Variants in DNMBP observed in about 807,000 individuals in gnomAD.
DNMBP encodes the protein dynamin-binding protein.
Under a neutral mutation model 150.0 loss-of-function variants are expected in DNMBP, and 87 were observed. The ratio of observed to expected loss-of-function variants is 0.58; its 90% CI spans 0.49 to 0.69. The LOEUF is 0.69. Among genes scored for constraint, DNMBP ranks in the 30% least tolerant of loss-of-function variants. The pLI, the probability that DNMBP is intolerant of heterozygous loss-of-function variation, is 0.00. For synonymous variants in DNMBP, 711 were observed against 750.4 expected (o/e 0.95, Z 0.86); for missense variants, 1,774 against 1,949.0 (o/e 0.91, Z 1.69).
Position 99,914,066 on chromosome 10 carries a change from A to G in DNMBP, c.2261-4920T>C, listed in dbSNP as rs895817207. 10 of 1,444,228 alleles carry G rather than the reference A, an allele frequency of 6.9e-6. No homozygotes were observed. In the African/African-American group the frequency reaches 7.3e-5, roughly 11 times the overall value. 89.5% of individuals were successfully genotyped at this position (1,444,228 alleles called of 1,614,324 possible). The stretch of plus-strand genomic sequence containing the variant: ...CACAACCCCCCAAACTCCTTTGAAT[A>G]GGGTCGGCATTTCCCCCAGGCTTCC... On this transcript the variant is annotated intron_variant, in intron 4 of 16. Coordinates refer to ENST00000324109, the MANE Select transcript of DNMBP (RefSeq NM_015221.4).
chr10:99,929,522 G>A (rs2040121546), intron 4 of DNMBP: 1 of 600,956 alleles, frequency 1.7e-6, no homozygotes, highest in Non-Finnish European at 2.9e-6. Flanking sequence ...GGCTCCTTAA[G>A]AACACAAGTG....
At chr10:99,925,949 T>C (rs576613862) in intron 4 of DNMBP, among the ~76,000 whole-genome samples, 1 of 152,330 alleles carries the variant, frequency 6.6e-6, no homozygotes, top group South Asian at 2.1e-4. Flanking sequence ...CTATATAAGC[T>C]TCCTTCCAGT....
chr10:100,004,083 A>AT (rs2041043930), intron 1 of DNMBP, among the ~76,000 whole-genome samples: 1 of 150,494 alleles, frequency 6.6e-6, no homozygotes, highest in African/African-American at 2.4e-5. Flanking sequence ...ATTACAAAAA[A>AT]AAAAAAGAAA....
chr10:99,980,599 G>C (rs2040771769), intron 1 of DNMBP, among the ~76,000 whole-genome samples: 1 of 151,648 alleles, frequency 6.6e-6, no homozygotes, highest in African/African-American at 2.4e-5. Flanking sequence ...CTTGAGCCCA[G>C]AAGGGCAACA....
At chr10:99,937,339 G>A (rs746372200) in intron 4 of DNMBP, among the ~76,000 whole-genome samples, 2 of 152,136 alleles carry the variant, frequency 1.3e-5, no homozygotes, top group African/African-American at 4.8e-5. Flanking sequence ...TATGGGCTAC[G>A]ATCAGCACTA....
At chr10:99,989,999 T>C (rs1293568858) in intron 1 of DNMBP, among the ~76,000 whole-genome samples, 1 of 152,216 alleles carries the variant, frequency 6.6e-6, no homozygotes, top group African/African-American at 2.4e-5. Context: ...TTCACTGATG[T>C]CAATCAAGCA....
At chr10:99,925,037 C>A in intron 4 of DNMBP, among the ~76,000 whole-genome samples, 1 of 152,298 alleles carries the variant, frequency 6.6e-6, no homozygotes, top group Middle Eastern at 3.4e-3. Context: ...AAGGTCTTTC[C>A]CGAGTCCATA....
At chr10:99,983,522 C>T (rs1350432490) in intron 1 of DNMBP, among the ~76,000 whole-genome samples, 1 of 152,200 alleles carries the variant, frequency 6.6e-6, no homozygotes, top group Non-Finnish European at 1.5e-5. Context: ...CTCAGAGATT[C>T]TTCAGATAAC....
chr10:99,939,598 G>GAAAT (rs1011330201), intron 4 of DNMBP, among the ~76,000 whole-genome samples: 4 of 152,210 alleles, frequency 2.6e-5, no homozygotes, highest in African/African-American at 9.6e-5. Context: ...AGTTGAAATG[G>GAAAT]AAATAGCCCT....
intron 4 of DNMBP, among the ~76,000 whole-genome samples, chr10:99,940,550 A>T (rs2040283685): frequency 6.6e-6 from 1 of 152,048 alleles, no homozygotes; most frequent in South Asian, 2.1e-4. Context: ...CAATGTGCCC[A>T]TTCTAGTGGA....
chr10:99,966,578 A>C (rs899835084), intron 3 of DNMBP, among the ~76,000 whole-genome samples: 2 of 152,142 alleles, frequency 1.3e-5, no homozygotes, highest in African/African-American at 4.8e-5. Context: ...TCTCCATTCC[A>C]TCAGATATGG....
At position 100,008,873 on chromosome 10, in the gene DNMBP, G is replaced by C. The variant is rs993177479; in HGVS notation, c.-11+965C>G. ...TGCAAAAACTACTACAGATTAATCA[G>C]TCCTGCTCATCCGTTTAACTCAGCT... On this transcript the variant is annotated intron_variant, in intron 1 of 16. Transcript: ENST00000324109. Among the ~76,000 whole-genome samples the C allele has an allele frequency of 5.3e-5, 8 of 152,318 alleles. No homozygotes were observed. In the East Asian group the frequency reaches 1.5e-3, roughly 29 times the overall value.
intron 13 of DNMBP, 77 bp downstream of exon 13, chr10:99,886,223 C>T: frequency 7.9e-7 from 1 of 1,259,056 alleles, no homozygotes; most frequent in Non-Finnish European, 1.1e-6. Context: ...TTTTTCAAAC[C>T]ATGCTACCAT....
chr10:99,945,724 A>G (rs2040349044), intron 4 of DNMBP, among the ~76,000 whole-genome samples: 1 of 152,226 alleles, frequency 6.6e-6, no homozygotes, highest in African/African-American at 2.4e-5. Flanking sequence ...TATTTGCTAT[A>G]TAGTTCTTTA....
chr10:99,997,892 C>T (rs2040965398), intron 1 of DNMBP, among the ~76,000 whole-genome samples: 1 of 128,308 alleles, frequency 7.8e-6, no homozygotes, highest in South Asian at 2.5e-4. Flanking sequence ...CACGCCACTG[C>T]ACTCTAGCCT....
At chr10:99,971,248 GT>G (rs141324797) in intron 2 of DNMBP, among the ~76,000 whole-genome samples, 13,090 of 151,978 alleles carry the variant, frequency 0.086, 660 homozygotes, top group Middle Eastern at 0.23. Flanking sequence ...AATACAGTAG[GT>G]AAACACAAAA....
At chr10:99,985,843 T>C (rs1297428222) in intron 1 of DNMBP, among the ~76,000 whole-genome samples, 2 of 152,194 alleles carry the variant, frequency 1.3e-5, no homozygotes, top group African/African-American at 4.8e-5. Context: ...CTCTGCCTCC[T>C]GCACTCAAGT....
At chr10:99,953,397 T>A (rs2040445520) in intron 4 of DNMBP, among the ~76,000 whole-genome samples, 1 of 151,888 alleles carries the variant, frequency 6.6e-6, no homozygotes, top group Non-Finnish European at 1.5e-5. Context: ...ACTCAATATC[T>A]ATGTCTTAGT....
rs77405525 is a variant in DNMBP, at chr10:99,987,347, A to G, written c.-10-15213T>C. Among the ~76,000 whole-genome samples the G allele has an allele frequency of 4.5e-3, 682 of 152,208 alleles. 6 individuals carry two copies. The highest frequency in any genetic ancestry group is 0.015 in the African/African-American group (618 of 41,530). ...GAGATCTCATCTCCACAACAAATAA[A>G]TAAGAAAAAGAAAATAATATATCCA... On this transcript the variant is annotated intron_variant, in intron 1 of 16. Transcript: ENST00000324109.
Sources: gnomAD v4.1 joint callset for allele counts (sites outside exome capture counted in the v4.1 genomes callset) on GRCh38, gnomAD v4.1.1 for gene constraint, MANE v1.5 for transcripts, NCBI Gene and HGNC (gene_info 2026-07-23, HGNC 2026-07-21) for gene names.